The following RALGAPA2 variants were observed in gnomAD, a reference collection of about 807,000 sequenced individuals.
RALGAPA2 encodes the protein Ral GTPase activating protein catalytic subunit alpha 2.
RALGAPA2 carries 139 observed loss-of-function variants against 230.4 expected under a neutral mutation model. The observed-to-expected ratio is 0.60, with a 90% CI of 0.53 to 0.69. The LOEUF is 0.69. RALGAPA2 is among the 30% of genes least tolerant of loss of function. The probability of loss-of-function intolerance (pLI) is 0.00; values close to 1 mark genes in which losing one functional copy is unlikely to be tolerated. For synonymous variants in RALGAPA2, 847 were observed against 837.8 expected, an observed-to-expected ratio of 1.01 and a Z score of -0.19; for missense variants, 2,163 against 2,276.0, an observed-to-expected ratio of 0.95 and a Z score of 1.01.
At chr20:20,429,752 G>A (rs981770194) in intron 37 of RALGAPA2, among the ~76,000 whole-genome samples, 6 of 152,202 alleles carry the variant, frequency 3.9e-5, no homozygotes, top group African/African-American at 1.2e-4. Context: ...AGAGCAGAGC[G>A]TCTCACGGTA....
chr20:20,413,061 A>G (rs1229379425), intron 37 of RALGAPA2, among the ~76,000 whole-genome samples: 1 of 152,224 alleles, frequency 6.6e-6, no homozygotes, highest in Non-Finnish European at 1.5e-5. Context: ...GGAAGTCCGC[A>G]TGACGTCTCA....
intron 1 of RALGAPA2, among the ~76,000 whole-genome samples, chr20:20,692,292 T>A (rs940633922): frequency 1.3e-5 from 2 of 152,142 alleles, no homozygotes; most frequent in African/African-American, 4.8e-5. Context: ...TATAAAAAAA[T>A]TTTCCATAAA....
intron 26 of RALGAPA2, 85 bp downstream of exon 26, chr20:20,535,660 G>T (rs2063477309): frequency 1.4e-6 from 2 of 1,477,478 alleles, no homozygotes; most frequent in African/African-American, 1.4e-5. Flanking sequence ...GAAAGAATAA[G>T]TGTTTTCTTT....
intron 14 of RALGAPA2, among the ~76,000 whole-genome samples, chr20:20,608,227 C>T (rs1313446613): frequency 6.6e-6 from 1 of 152,126 alleles, no homozygotes; most frequent in Non-Finnish European, 1.5e-5. Context: ...CATTTGCTAA[C>T]CAACCACTTC....
chr20:20,405,762 A>G (rs1467748720), intron 38 of RALGAPA2, among the ~76,000 whole-genome samples: 1 of 152,138 alleles, frequency 6.6e-6, no homozygotes, highest in African/African-American at 2.4e-5. Flanking sequence ...GCTTCTTATC[A>G]GATTTCTTGT....
intron 24 of RALGAPA2, among the ~76,000 whole-genome samples, chr20:20,539,544 C>T (rs1228274764): frequency 6.6e-6 from 1 of 152,038 alleles, no homozygotes; most frequent in Admixed American, 6.5e-5. Context: ...TGTTTTGATA[C>T]ACAAATACAT....
At chr20:20,429,335 CATT>C (rs1440680244) in intron 37 of RALGAPA2, among the ~76,000 whole-genome samples, 9 of 152,330 alleles carry the variant, frequency 5.9e-5, no homozygotes, top group Admixed American at 1.3e-4. Flanking sequence ...AATCCACAAA[CATT>C]GTTGTTTGGT....
intron 4 of RALGAPA2, among the ~76,000 whole-genome samples, chr20:20,647,611 A>G (rs1412969799): frequency 1.3e-5 from 2 of 152,220 alleles, no homozygotes; most frequent in African/African-American, 4.8e-5. Flanking sequence ...AAACTGATTA[A>G]CTGGATTTCT....
rs755726948 is a variant in RALGAPA2, at chr20:20,639,861, G to T, written c.590C>A (p.Ala197Asp). ...CTCAGCAATCTTCTCCCCTGATATG[G>T]CTGGTAGGAGTGGAGTGATTTCTTC... ...YPEEITPLLP[A>D]ISGEKIAEDQ... The change falls in exon 7 of 40, where the codon GCC (alanine) becomes GAC (aspartate). Residue 197 changes from alanine (A) to aspartate (D), a missense_variant. Ala to Asp is a moderately radical substitution (Grantham distance 126, BLOSUM62 -2). Coordinates refer to ENST00000202677, the MANE Select transcript of RALGAPA2 (RefSeq NM_020343.4). 32 of 1,613,632 alleles carry T rather than the reference G, an allele frequency of 2.0e-5. No individual in the cohort carries two copies. Among genetic ancestry groups the T allele is most frequent in the Non-Finnish European group, 2.7e-5 (32 of 1,179,552 alleles).
At chr20:20,631,535 G>T (rs1180833421) in intron 9 of RALGAPA2, among the ~76,000 whole-genome samples, 1 of 152,216 alleles carries the variant, frequency 6.6e-6, no homozygotes, top group African/African-American at 2.4e-5. Flanking sequence ...GGGAGAAAAG[G>T]TGGTGTGATG....
chr20:20,628,914 T>C (rs1232550523), intron 10 of RALGAPA2, among the ~76,000 whole-genome samples: 1 of 152,038 alleles, frequency 6.6e-6, no homozygotes, highest in African/African-American at 2.4e-5. Context: ...AATTCTATCA[T>C]ATTGTGAGTG....
intron 32 of RALGAPA2, 93 bp downstream of exon 32, chr20:20,512,420 A>C: frequency 7.8e-7 from 1 of 1,275,596 alleles, no homozygotes; most frequent in African/African-American, 1.5e-5. Context: ...TCTCTTCCCC[A>C]ATCTTTTCTT....
chr20:20,645,409 C>T lies in RALGAPA2; in HGVS notation c.329-1860G>A, dbSNP rs151085252. On this transcript the variant is annotated intron_variant, in intron 4 of 39. Transcript: ENST00000202677. ...GATTACAGGTGTGAACCACCGTGCCCGGCCGTTAGTGTTGTTTTTTAAGTA... is the reference window on the plus strand; with the variant it reads ...GATTACAGGTGTGAACCACCGTGCCTGGCCGTTAGTGTTGTTTTTTAAGTA... Among the ~76,000 whole-genome samples, 1,097 of 152,032 alleles carry T rather than the reference C, an allele frequency of 7.2e-3. 8 individuals carry two copies. Among genetic ancestry groups the T allele is most frequent in the African/African-American group, 0.025 (1,051 of 41,456 alleles).
chr20:20,533,537 A>C (rs2063421855), intron 26 of RALGAPA2, among the ~76,000 whole-genome samples: 1 of 152,198 alleles, frequency 6.6e-6, no homozygotes, highest in African/African-American at 2.4e-5. Flanking sequence ...TAAACACACC[A>C]TAATAGCAGG....
chr20:20,430,462 A>T (rs1388144904), intron 37 of RALGAPA2, among the ~76,000 whole-genome samples: 3 of 152,158 alleles, frequency 2.0e-5, no homozygotes, highest in Non-Finnish European at 4.4e-5. Context: ...CAGGTGGGGG[A>T]ATATTTCATG....
At chr20:20,665,403 TAAC>T (rs1351116338) in intron 3 of RALGAPA2, among the ~76,000 whole-genome samples, 2 of 152,198 alleles carry the variant, frequency 1.3e-5, no homozygotes, top group Non-Finnish European at 2.9e-5. Flanking sequence ...CTGCAACAGA[TAAC>T]AACAAGAATG....
intron 23 of RALGAPA2, among the ~76,000 whole-genome samples, chr20:20,562,344 T>G (rs998776451): frequency 6.6e-6 from 1 of 152,102 alleles, no homozygotes; most frequent in African/African-American, 2.4e-5. Context: ...GAGAGAAACC[T>G]CAGAGCAAAA....
chr20:20,459,215 C>T (rs1397007709), intron 37 of RALGAPA2, among the ~76,000 whole-genome samples: 2 of 152,008 alleles, frequency 1.3e-5, no homozygotes, highest in African/African-American at 4.8e-5. Flanking sequence ...CTCACTAAAG[C>T]ACTACTGATA....
chr20:20,494,856 A>G (rs2062158627), intron 36 of RALGAPA2, among the ~76,000 whole-genome samples: 1 of 152,266 alleles, frequency 6.6e-6, no homozygotes, highest in Admixed American at 6.5e-5. Context: ...TAAAACATTT[A>G]CAAAATAATA....
Sources: allele counts gnomAD v4.1 joint callset (sites outside exome capture counted in the v4.1 genomes callset), GRCh38; gene constraint gnomAD v4.1.1; transcripts MANE v1.5; gene names NCBI Gene and HGNC (gene_info 2026-07-23, HGNC 2026-07-21).